The following CACNA1C variants were observed in gnomAD, a reference collection of about 807,000 sequenced individuals.
CACNA1C encodes calcium voltage-gated channel subunit alpha1 C.
CACNA1C carries 30 observed loss-of-function variants against 229.0 expected under a neutral mutation model. The observed-to-expected ratio is 0.13, with a 90% CI of 0.10 to 0.18. CACNA1C has a LOEUF of 0.18. CACNA1C is among the 10% of genes least tolerant of loss of function. The pLI is 1.00. For synonymous variants in CACNA1C, 1,114 were observed against 1,132.5 expected (o/e 0.98, Z 0.33); for missense variants, 1,658 against 2,845.0 (o/e 0.58, Z 9.49).
At chr12:2,226,824 C>G (rs113225785) in intron 3 of CACNA1C, among the ~76,000 whole-genome samples, 1 of 152,224 alleles carries the variant, frequency 6.6e-6, no homozygotes, top group Non-Finnish European at 1.5e-5. Flanking sequence ...ATTCTTTCGG[C>G]AGGAGAAGGG....
intron 3 of CACNA1C, among the ~76,000 whole-genome samples, chr12:2,330,209 G>T (rs528708802): frequency 6.6e-6 from 1 of 152,072 alleles, no homozygotes; most frequent in South Asian, 2.1e-4. Context: ...ATTTGCCTAC[G>T]TAGGTCAATG....
chr12:2,246,459 C>T (rs531950925), intron 3 of CACNA1C, among the ~76,000 whole-genome samples: 6 of 152,274 alleles, frequency 3.9e-5, no homozygotes, highest in African/African-American at 1.4e-4. Flanking sequence ...GCCATGCCTC[C>T]CTGCCTGAAA....
intron 3 of CACNA1C, among the ~76,000 whole-genome samples, chr12:2,384,888 T>C (rs937785699): frequency 1.3e-5 from 2 of 152,220 alleles, no homozygotes; most frequent in Non-Finnish European, 2.9e-5. Flanking sequence ...ATTTACTGCA[T>C]GCGTAGTTAT....
intron 13 of CACNA1C, among the ~76,000 whole-genome samples, chr12:2,576,578 G>T (rs2058474653): frequency 6.6e-6 from 1 of 152,130 alleles, no homozygotes. Flanking sequence ...AGCTGATTGT[G>T]AATGTGCCAT....
chr12:2,681,009 C>T lies in CACNA1C; in HGVS notation c.5444+1213C>T, dbSNP rs550184120. 8.1e-4 allele frequency among the ~76,000 whole-genome samples: 124 copies of T among 152,266 alleles called. 1 individual carries two copies. The highest frequency in any genetic ancestry group is 1.8e-3 in the Admixed American group (27 of 15,302). ...GGGGGCCTGCACCTGTTGTGGGGGC[C>T]TCATCCTTCTCTGCAACCTCACTCC... On this transcript the variant is annotated intron_variant, in intron 42 of 46. Coordinates refer to ENST00000399655, the MANE Select transcript of CACNA1C (RefSeq NM_000719.7).
Position 2,666,861 on chromosome 12 carries a change from G to T in CACNA1C, c.4623+79G>T. The T allele has an allele frequency of 1.2e-6, 1 of 841,730 alleles. No homozygotes were observed. Among genetic ancestry groups the T allele is most frequent in the Non-Finnish European group, 2.0e-6 (1 of 507,470 alleles). 52.1% of individuals were successfully genotyped at this position (841,730 alleles called of 1,614,324 possible). On this transcript the variant is annotated intron_variant, in intron 37 of 46. Transcript: ENST00000399655. The surrounding 1 kb of genome is among the most constrained non-coding windows in gnomAD (Gnocchi z 5.3). ...GCCCATTTCTTGTGATCCTTTAAGG[G>T]AATGAACATACTAGTTTATGTGCCT...
At chr12:2,606,874 G>T in intron 25 of CACNA1C, 110 bp from the exon 26 acceptor site, 1 of 1,293,746 alleles carries the variant, frequency 7.7e-7, no homozygotes, top group Non-Finnish European at 1.1e-6. Flanking sequence ...CTAGAACGGT[G>T]AAGTTCAAGC....
intron 3 of CACNA1C, among the ~76,000 whole-genome samples, chr12:2,422,705 A>G (rs1034687411): frequency 2.6e-5 from 4 of 152,198 alleles, no homozygotes; most frequent in African/African-American, 9.6e-5. Flanking sequence ...AGGGAGGGTA[A>G]AGGGCACCAC....
At chr12:2,300,337 C>G (rs189341922) in intron 3 of CACNA1C, among the ~76,000 whole-genome samples, 144 of 152,268 alleles carry the variant, frequency 9.5e-4, no homozygotes, top group Middle Eastern at 3.4e-3. Flanking sequence ...AGGACCAGGC[C>G]GGGCACGGCG....
chr12:2,506,101 A>G (rs1480559029), intron 8 of CACNA1C, among the ~76,000 whole-genome samples: 1 of 151,942 alleles, frequency 6.6e-6, no homozygotes, highest in Non-Finnish European at 1.5e-5. Flanking sequence ...CAGCTCTTCC[A>G]CCTCCCATGG....
chr12:2,138,198 G>A (rs2093747242), intron 3 of CACNA1C, among the ~76,000 whole-genome samples: 1 of 151,394 alleles, frequency 6.6e-6, no homozygotes, highest in African/African-American at 2.4e-5. Context: ...TGAGGAACAA[G>A]GTCAGGCATC....
chr12:1,996,631 AAAAAAAAAAAAAAAAAAAAAAAAAC>A (rs1355561477), intron 1 of CACNA1C, among the ~76,000 whole-genome samples: 1 of 107,822 alleles, frequency 9.3e-6, no homozygotes, highest in African/African-American at 3.9e-5. Context: ...AAAAAAAAAA[AAAAAAAAAAAAAAAAAAAAAAAAAC>A]AACAAACTCT....
chr12:2,455,764 C>T (rs1212718172), intron 4 of CACNA1C, among the ~76,000 whole-genome samples: 1 of 152,188 alleles, frequency 6.6e-6, no homozygotes, highest in Non-Finnish European at 1.5e-5. Flanking sequence ...CACGTGACAC[C>T]ACCGCCTGTT....
intron 3 of CACNA1C, among the ~76,000 whole-genome samples, chr12:2,381,223 A>G (rs560900338): frequency 7.4e-4 from 112 of 152,286 alleles, no homozygotes; most frequent in Non-Finnish European, 1.3e-3. Context: ...GAAATTATAT[A>G]TAAAATGTGA....
chr12:2,384,909 C>T (rs895878968), intron 3 of CACNA1C, among the ~76,000 whole-genome samples: 5 of 152,162 alleles, frequency 3.3e-5, no homozygotes, highest in African/African-American at 4.8e-5. Flanking sequence ...CCAGAAGGTA[C>T]GTCTCTGTCC....
chr12:2,094,829 TGCCTACAAGG>T (rs2073123182), intron 1 of CACNA1C, among the ~76,000 whole-genome samples: 1 of 152,096 alleles, frequency 6.6e-6, no homozygotes, highest in South Asian at 2.1e-4. Flanking sequence ...CATGCTGGGG[TGCCTACAAGG>T]GCCTTCCAGG....
chr12:2,047,089 C>T (rs986646439), intron 1 of CACNA1C, among the ~76,000 whole-genome samples: 1 of 152,166 alleles, frequency 6.6e-6, no homozygotes, highest in Admixed American at 6.5e-5. Context: ...CCCACAGTAG[C>T]GGCCAGTGCA....
At chr12:2,642,239 C>A (rs1021552674) in intron 30 of CACNA1C, among the ~76,000 whole-genome samples, 1 of 152,196 alleles carries the variant, frequency 6.6e-6, no homozygotes, top group Non-Finnish European at 1.5e-5. Context: ...CCTTCTGCCC[C>A]AAACTGTGTC....
chr12:1,973,882 A>G (rs1266028806), intron 1 of CACNA1C, among the ~76,000 whole-genome samples: 5 of 152,228 alleles, frequency 3.3e-5, no homozygotes, highest in Non-Finnish European at 7.3e-5. Context: ...AATATCATGC[A>G]GGGAGTCCCT....
Sources: allele counts gnomAD v4.1 joint callset (sites outside exome capture counted in the v4.1 genomes callset), GRCh38; gene constraint gnomAD v4.1.1; non-coding constraint Gnocchi (gnomAD v3.1); transcripts MANE v1.5; gene names NCBI Gene and HGNC (gene_info 2026-07-23, HGNC 2026-07-21).